The following PPIL4 variants were observed in gnomAD, a reference collection of about 807,000 sequenced individuals.
The protein encoded by PPIL4 is peptidyl-prolyl cis-trans isomerase-like 4.
Under a neutral mutation model 69.1 loss-of-function variants are expected in PPIL4, and 50 were observed. That is an observed-to-expected ratio of 0.72 (90% CI 0.58 to 0.92). The LOEUF (loss-of-function observed/expected upper bound fraction) is 0.92, where lower values mean the gene tolerates loss of function less well. Ranked by LOEUF, PPIL4 falls within the 40% of genes least tolerant of loss-of-function variation. The pLI, the probability that PPIL4 is intolerant of heterozygous loss-of-function variation, is 0.00. For missense variants in PPIL4, 480 were observed against 587.9 expected, an observed-to-expected ratio of 0.82 and a Z score of 1.90; for synonymous variants, 193 against 191.6, an observed-to-expected ratio of 1.01 and a Z score of -0.06.
chr6:149,512,813 G>A lies in PPIL4; in HGVS notation c.1080-511C>T, dbSNP rs866562061. On this transcript the variant is annotated intron_variant, in intron 11 of 12. Transcript: ENST00000253329. ...GCTGGAGTGCAGTGGCGCGATCTCA[G>A]CTCACTGCAACCTCCGCCTCTCAGG... Among the ~76,000 whole-genome samples the A allele has an allele frequency of 9.9e-5, 15 of 152,128 alleles. No individual in the cohort carries two copies. The South Asian group carries it at 1.2e-3, about 13-fold the overall frequency.
intron 4 of PPIL4, among the ~76,000 whole-genome samples, chr6:149,539,846 T>C (rs1041584209): frequency 2.0e-5 from 3 of 152,306 alleles, no homozygotes; most frequent in Admixed American, 1.3e-4. Flanking sequence ...AAAGTATTTT[T>C]TGGTCGGCCA....
chr6:149,524,972 A>G (rs975469909), intron 9 of PPIL4, among the ~76,000 whole-genome samples, 171 bp downstream of exon 9: 2 of 152,178 alleles, frequency 1.3e-5, no homozygotes, highest in African/African-American at 4.8e-5. Context: ...TACGTATGTT[A>G]ACATCAACAG....
At position 149,541,376 on chromosome 6, in the gene PPIL4, G is replaced by T; in HGVS notation, c.194C>A (p.Ser65Tyr). 7.3e-7 allele frequency: 1 copy of T among 1,370,568 alleles called. No individual in the cohort carries two copies. The highest frequency in any genetic ancestry group is 9.7e-7 in the Non-Finnish European group (1 of 1,031,400). 84.9% of individuals were successfully genotyped at this position (1,370,568 alleles called of 1,614,324 possible). A position where few individuals can be genotyped will look rare whatever the true frequency, so the allele number is the denominator to read the frequency against. The change falls in exon 3 of 13, where the codon TCT becomes TAT. Residue 65 changes from serine (S) to tyrosine (Y), a missense_variant. Coordinates refer to ENST00000253329, the MANE Select transcript of PPIL4 (RefSeq NM_139126.4). ...AAATAAAACAACTTACCCAAAGATA[G>T]ACTCTCCTCCACGGCCAGTCCCTGT... ...DPTGTGRGGE[S>Y]IFGQLYGDQA...
chr6:149,538,312 C>A (rs1583212546), intron 4 of PPIL4, among the ~76,000 whole-genome samples: 1 of 152,096 alleles, frequency 6.6e-6, no homozygotes, highest in South Asian at 2.1e-4. Flanking sequence ...AACAGTCATT[C>A]TGCAGCCATG....
intron 7 of PPIL4, among the ~76,000 whole-genome samples, chr6:149,531,876 G>A (rs1020786015): frequency 1.3e-5 from 2 of 152,064 alleles, no homozygotes; most frequent in African/African-American, 4.8e-5. Context: ...CACCATGTTG[G>A]CCAGGCTGGT....
intron 5 of PPIL4, 149 bp downstream of exon 5, chr6:149,535,447 T>A: frequency 2.3e-6 from 1 of 431,642 alleles, no homozygotes; most frequent in Non-Finnish European, 4.0e-6. Context: ...ATTATAAAGA[T>A]TCTTACAGTC....
chr6:149,540,226 C>A (rs910552358), intron 4 of PPIL4, among the ~76,000 whole-genome samples: 1 of 152,134 alleles, frequency 6.6e-6, no homozygotes, highest in Non-Finnish European at 1.5e-5. Flanking sequence ...CCTACTCTAA[C>A]AAGTAGGTCA....
intron 9 of PPIL4, among the ~76,000 whole-genome samples, chr6:149,524,472 C>T (rs1399968961): frequency 2.0e-5 from 3 of 152,280 alleles, no homozygotes; most frequent in African/African-American, 7.2e-5. Flanking sequence ...CAATAGCTGG[C>T]TAATAACAAA....
At chr6:149,525,927 C>T (rs1256531545) in intron 8 of PPIL4, among the ~76,000 whole-genome samples, 1 of 152,004 alleles carries the variant, frequency 6.6e-6, no homozygotes, top group Non-Finnish European at 1.5e-5. Context: ...GGTGAAACCC[C>T]GTCTCTACTA....
rs538991106 is a variant in PPIL4, at chr6:149,520,281, G to A, written c.982+779C>T. ...ATGTAGGGGAAAGTTAGTACCAATA[G>A]GTGATAATGGTTACCCTGGAAGAGA... On this transcript the variant is annotated intron_variant, in intron 10 of 12. Transcript: ENST00000253329. 3.3e-5 allele frequency among the ~76,000 whole-genome samples: 5 copies of A among 152,132 alleles called. No homozygotes were observed. In the South Asian group the frequency reaches 1.0e-3, roughly 32 times the overall value.
intron 12 of PPIL4, among the ~76,000 whole-genome samples, chr6:149,507,729 C>T (rs1425751241): frequency 6.6e-6 from 1 of 152,200 alleles, no homozygotes; most frequent in African/African-American, 2.4e-5. Flanking sequence ...TTGAATTGGA[C>T]TGAAACTTTA....
At chr6:149,541,151 C>T in intron 3 of PPIL4, 92 bp from the exon 4 acceptor site, 1 of 660,982 alleles carries the variant, frequency 1.5e-6, no homozygotes, top group Non-Finnish European at 2.4e-6. Flanking sequence ...TATTTCTTTA[C>T]AGAAATGCCA....
rs1777112645 is a variant in PPIL4 at position 149,526,705 on chromosome 6, CA to C, written c.749del (p.Val250GlyfsTer9). On this transcript the variant is annotated frameshift_variant, in exon 8 of 13. Coordinates refer to ENST00000253329, the MANE Select transcript of PPIL4 (RefSeq NM_139126.4). LOFTEE classifies it high-confidence loss of function. ...TTATTTCCAGATCCTCATCTGTGGT[CA>C]CTGGGTTCAATTTACACACAAACAG... ...NVLFVCKLNP[V>X]TTDEDLEIIF... 14 of 1,611,930 alleles carry C rather than the reference CA, an allele frequency of 8.7e-6. No individual in the cohort carries two copies. The highest frequency in any genetic ancestry group is 1.2e-5 in the Non-Finnish European group (14 of 1,178,234).
At chr6:149,511,855 A>G (rs1776848328) in intron 12 of PPIL4, among the ~76,000 whole-genome samples, 1 of 152,230 alleles carries the variant, frequency 6.6e-6, no homozygotes, top group Non-Finnish European at 1.5e-5. Flanking sequence ...CTTTTTCAGC[A>G]CAACCACACT....
chr6:149,529,534 G>A (rs999259625), intron 7 of PPIL4, among the ~76,000 whole-genome samples: 14 of 151,826 alleles, frequency 9.2e-5, no homozygotes, highest in Admixed American at 5.3e-4. Flanking sequence ...AGGCTGAGGC[G>A]CGCAGATCAC....
chr6:149,535,323 T>C (rs1777259513), intron 5 of PPIL4, among the ~76,000 whole-genome samples: 1 of 152,142 alleles, frequency 6.6e-6, no homozygotes, highest in African/African-American at 2.4e-5. Context: ...GCCACTGCAC[T>C]CCAGCCTGGG....
Position 149,505,667 on chromosome 6 carries a change from T to C in PPIL4, c.1265A>G (p.Glu422Gly), listed in dbSNP as rs1400389997. 1 of 1,614,034 alleles carries C rather than the reference T, an allele frequency of 6.2e-7. No homozygotes were observed. The highest frequency in any genetic ancestry group is 2.2e-5 in the East Asian group (1 of 44,870). ...YREMGFGHYE[E>G]EESCWEKQKS... ...TTGTTTCTCCCAACAGCTTTCTTCTTCTTCATAGTGACCAAACCCCATTTC... is the reference window on the plus strand; with the variant it reads ...TTGTTTCTCCCAACAGCTTTCTTCTCCTTCATAGTGACCAAACCCCATTTC... Residue 422 changes from glutamate (E) to glycine (G), a missense_variant, in exon 13 of 13, where the codon GAA becomes GGA. Coordinates refer to ENST00000253329, the MANE Select transcript of PPIL4 (RefSeq NM_139126.4).
chr6:149,535,989 T>C (rs1777269489), intron 4 of PPIL4, among the ~76,000 whole-genome samples: 1 of 152,262 alleles, frequency 6.6e-6, no homozygotes, highest in Admixed American at 6.5e-5. Context: ...AGTAAGTCTA[T>C]TGGTGCCATT....
At chr6:149,511,924 T>C (rs1350031153) in intron 12 of PPIL4, among the ~76,000 whole-genome samples, 2 of 152,218 alleles carry the variant, frequency 1.3e-5, no homozygotes, top group African/African-American at 4.8e-5. Flanking sequence ...TGCTTCACAA[T>C]GTGGAAGTAT....
Sources: allele counts gnomAD v4.1 joint callset (sites outside exome capture counted in the v4.1 genomes callset), GRCh38; gene constraint gnomAD v4.1.1; transcripts MANE v1.5; gene names NCBI Gene and HGNC (gene_info 2026-07-23, HGNC 2026-07-21).